The following AOAH variants were observed in gnomAD, a reference collection of about 807,000 sequenced individuals.
AOAH encodes the protein acyloxyacyl hydrolase.
AOAH carries 64 observed loss-of-function variants against 92.2 expected under a neutral mutation model. The ratio of observed to expected loss-of-function variants is 0.69; its 90% CI spans 0.57 to 0.86. AOAH has a LOEUF of 0.86. Among genes scored for constraint, AOAH ranks in the 40% least tolerant of loss-of-function variants. The pLI is 0.00. For missense variants in AOAH, 656 were observed against 694.6 expected (o/e 0.94, Z 0.62); for synonymous variants, 263 against 254.5 (o/e 1.03, Z -0.32).
intron 11 of AOAH, among the ~76,000 whole-genome samples, chr7:36,612,567 T>A (rs1265523937): frequency 6.6e-6 from 1 of 152,204 alleles, no homozygotes; most frequent in Non-Finnish European, 1.5e-5. Flanking sequence ...AATTTGCAGA[T>A]GTGAAATTAC....
rs531430134 is a variant in AOAH, at chr7:36,659,592, G to A, written c.291-327C>T. On this transcript the variant is annotated intron_variant, in intron 3 of 20. Transcript: ENST00000617537. Reference sequence around the variant, plus strand: ...TGGGAAAGAAAAAGTGGGCAGGGACGTAACTTGATGGAAACAATATTTTGA... The same window carrying A: ...TGGGAAAGAAAAAGTGGGCAGGGACATAACTTGATGGAAACAATATTTTGA... Among the ~76,000 whole-genome samples, 8 of 152,254 alleles carry A rather than the reference G, an allele frequency of 5.3e-5. No individual in the cohort carries two copies. The East Asian group carries it at 7.7e-4, about 15-fold the overall frequency.
intron 19 of AOAH, among the ~76,000 whole-genome samples, chr7:36,525,883 G>C (rs759657626): frequency 3.3e-5 from 5 of 152,158 alleles, no homozygotes; most frequent in Non-Finnish European, 7.3e-5. Context: ...TTGGAGACTT[G>C]AGCAATCCCA....
At chr7:36,548,498 T>C (rs1421552777) in intron 15 of AOAH, 114 bp downstream of exon 15, 2 of 906,384 alleles carry the variant, frequency 2.2e-6, no homozygotes, top group Admixed American at 3.7e-5. Context: ...GCTTCTAAGA[T>C]AGAGAAATTC....
intron 3 of AOAH, among the ~76,000 whole-genome samples, chr7:36,669,377 C>CTTTTTTTTT (rs33911092): frequency 8.0e-6 from 1 of 125,526 alleles, no homozygotes. Context: ...CCCCCCCCAC[C>CTTTTTTTTT]TTTTTTTTTT....
intron 3 of AOAH, among the ~76,000 whole-genome samples, chr7:36,663,872 T>G (rs1483856270): frequency 6.6e-6 from 1 of 151,916 alleles, no homozygotes; most frequent in East Asian, 1.9e-4. Flanking sequence ...CATAAGAAAC[T>G]ATACTTTTTT....
chr7:36,535,929 G>A (rs1785027780), intron 16 of AOAH, among the ~76,000 whole-genome samples: 1 of 152,300 alleles, frequency 6.6e-6, no homozygotes, highest in African/African-American at 2.4e-5. Context: ...CTTGCTGTCT[G>A]GTAATTCCTC....
chr7:36,582,389 T>G (rs1788993316), intron 12 of AOAH, among the ~76,000 whole-genome samples: 1 of 152,178 alleles, frequency 6.6e-6, no homozygotes, highest in South Asian at 2.1e-4. Context: ...ACGTTAACTT[T>G]CCAGTTTCAC....
At chr7:36,556,999 T>A (rs1583811602) in intron 13 of AOAH, among the ~76,000 whole-genome samples, 1 of 151,978 alleles carries the variant, frequency 6.6e-6, no homozygotes, top group South Asian at 2.1e-4. Context: ...AAGTTAATAT[T>A]GTTATGTGTG....
intron 2 of AOAH, among the ~76,000 whole-genome samples, chr7:36,680,633 C>A (rs1796589300): frequency 6.6e-6 from 1 of 152,124 alleles, no homozygotes. Context: ...CTGACATAAC[C>A]ATTCTGTTTC....
At chr7:36,710,339 G>A (rs559660719) in intron 1 of AOAH, among the ~76,000 whole-genome samples, 6 of 152,278 alleles carry the variant, frequency 3.9e-5, no homozygotes, top group African/African-American at 1.4e-4. Flanking sequence ...AAATAGCTAT[G>A]CTACTCACTC....
intron 5 of AOAH, among the ~76,000 whole-genome samples, chr7:36,634,665 A>G (rs540394347): frequency 1.3e-5 from 2 of 152,322 alleles, no homozygotes; most frequent in South Asian, 2.1e-4. Flanking sequence ...TCGGAAATAC[A>G]GACACTATCT....
At position 36,513,211 on chromosome 7, in the gene AOAH, T is replaced by A; in HGVS notation, c.*41A>T. 6.2e-7 allele frequency: 1 copy of A among 1,614,180 alleles called. No individual in the cohort carries two copies. Among genetic ancestry groups the A allele is most frequent in the Non-Finnish European group, 8.5e-7 (1 of 1,180,022 alleles). The stretch of plus-strand genomic sequence containing the variant: ...TGTGGAATGAGTTTACCCAAGCCTC[T>A]GCCTCCCTGTGCTCCCCAGGGGTGC... On this transcript the variant is annotated 3_prime_UTR_variant, in exon 21 of 21. Transcript: ENST00000617537.
intron 12 of AOAH, among the ~76,000 whole-genome samples, chr7:36,594,074 T>C (rs2727808): frequency 0.04 from 6,083 of 152,286 alleles, 364 homozygotes; most frequent in African/African-American, 0.14. Flanking sequence ...TCAGAAAATT[T>C]CAGTGATGTG....
At chr7:36,633,978 G>C (rs190523018) in intron 5 of AOAH, among the ~76,000 whole-genome samples, 3 of 152,284 alleles carry the variant, frequency 2.0e-5, no homozygotes, top group African/African-American at 7.2e-5. Context: ...TCTGCCTCCA[G>C]ACACTGCCAA....
At chr7:36,693,769 G>A (rs1310031772) in intron 1 of AOAH, among the ~76,000 whole-genome samples, 1 of 152,150 alleles carries the variant, frequency 6.6e-6, no homozygotes, top group Non-Finnish European at 1.5e-5. Flanking sequence ...ACATTTTTGA[G>A]ACTTTTTAAT....
intron 2 of AOAH, among the ~76,000 whole-genome samples, chr7:36,681,946 G>A (rs1796672228): frequency 6.6e-6 from 1 of 152,198 alleles, no homozygotes. Flanking sequence ...CAAGACCTAT[G>A]GGCCATCAAC....
intron 20 of AOAH, chr7:36,514,702 G>C: frequency 1.3e-6 from 1 of 745,084 alleles, no homozygotes; most frequent in African/African-American, 1.7e-5. Context: ...TGTGATTGCT[G>C]AAGGCCTGCC....
chr7:36,617,462 T>C (rs1791980652), intron 10 of AOAH, among the ~76,000 whole-genome samples: 2 of 152,262 alleles, frequency 1.3e-5, no homozygotes, highest in African/African-American at 4.8e-5. Flanking sequence ...CTCTGAGGGC[T>C]TAAAGACAAT....
chr7:36,544,762 A>C (rs560566500), intron 15 of AOAH, among the ~76,000 whole-genome samples: 179 of 152,308 alleles, frequency 1.2e-3, no homozygotes, highest in African/African-American at 4.1e-3. Flanking sequence ...AGGCAAAATA[A>C]GCCTGATCAT....
Sources: gnomAD v4.1 joint callset for allele counts (sites outside exome capture counted in the v4.1 genomes callset) on GRCh38, gnomAD v4.1.1 for gene constraint, MANE v1.5 for transcripts, NCBI Gene and HGNC (gene_info 2026-07-23, HGNC 2026-07-21) for gene names.